Variants in COL25A1 observed in about 807,000 individuals in gnomAD.
COL25A1 encodes collagen type XXV alpha 1 chain.
Under a neutral mutation model 128.4 loss-of-function variants are expected in COL25A1, and 103 were observed. The observed-to-expected ratio is 0.80, with a 90% confidence interval of 0.68 to 0.94. COL25A1 has a LOEUF of 0.94. COL25A1 is among the 40% of genes least tolerant of loss of function. The probability of loss-of-function intolerance (pLI) is 0.00; values close to 1 mark genes in which losing one functional copy is unlikely to be tolerated. For synonymous variants in COL25A1, 279 were observed against 277.2 expected (o/e 1.01, Z -0.06); for missense variants, 745 against 840.0 (o/e 0.89, Z 1.40).
chr4:109,239,418 ATATATT>A (rs1445624108), intron 3 of COL25A1, among the ~76,000 whole-genome samples: 28 of 132,742 alleles, frequency 2.1e-4, no homozygotes, highest in African/African-American at 3.6e-4. Context: ...ATATATATAT[ATATATT>A]TATTTATTTA....
At chr4:109,049,146 T>C in intron 4 of COL25A1, among the ~76,000 whole-genome samples, 1 of 152,190 alleles carries the variant, frequency 6.6e-6, no homozygotes, top group Non-Finnish European at 1.5e-5. Context: ...AACCACACAT[T>C]AATCTGCTAT....
chr4:109,107,762 CAA>C (rs149340381), intron 3 of COL25A1, among the ~76,000 whole-genome samples: 1 of 152,080 alleles, frequency 6.6e-6, no homozygotes, highest in Non-Finnish European at 1.5e-5. Context: ...AGCCTTTACA[CAA>C]AAGAGGACCA....
chr4:109,074,150 C>T lies in COL25A1; in HGVS notation c.368-23971G>A, dbSNP rs528717201. The stretch of plus-strand genomic sequence containing the variant: ...ATGTGCAGTTCCACAGTAGGATTCC[C>T]GCTCCTATAAGAATCTAATGCCACC... On this transcript the variant is annotated intron_variant, in intron 3 of 37. Transcript: ENST00000399132. Among the ~76,000 whole-genome samples, 31 of 152,198 alleles carry T rather than the reference C, an allele frequency of 2.0e-4. No homozygotes were observed. The South Asian group carries it at 5.8e-3, about 29-fold the overall frequency.
intron 13 of COL25A1, among the ~76,000 whole-genome samples, chr4:108,917,177 A>G (rs1744974183): frequency 6.6e-6 from 1 of 152,210 alleles, no homozygotes; most frequent in African/African-American, 2.4e-5. Context: ...TGGAAGACTC[A>G]TGCTCTTAGC....
intron 13 of COL25A1, among the ~76,000 whole-genome samples, chr4:108,904,204 C>A (rs530714306): frequency 6.6e-6 from 1 of 152,074 alleles, no homozygotes; most frequent in Non-Finnish European, 1.5e-5. Flanking sequence ...ATTTACTATA[C>A]GTTCTACTCT....
chr4:109,258,960 C>G (rs1161702887), intron 3 of COL25A1, among the ~76,000 whole-genome samples: 1 of 152,192 alleles, frequency 6.6e-6, no homozygotes, highest in Non-Finnish European at 1.5e-5. Flanking sequence ...CTTACACTTT[C>G]ATTTTATGTG....
At chr4:109,234,551 T>C (rs576608933) in intron 3 of COL25A1, among the ~76,000 whole-genome samples, 2 of 152,240 alleles carry the variant, frequency 1.3e-5, no homozygotes, top group African/African-American at 2.4e-5. Flanking sequence ...TCAGGAAACA[T>C]GTCAAAGTTG....
chr4:108,889,213 G>A lies in COL25A1; in HGVS notation c.975+8C>T. The A allele has an allele frequency of 1.9e-6, 3 of 1,612,230 alleles. No individual in the cohort carries two copies. Among genetic ancestry groups the A allele is most frequent in the Non-Finnish European group, 2.5e-6 (3 of 1,178,342 alleles). ...ACAGTAGGAACACACTAGAGATAGA[G>A]ATATTACCTTTTGCCCTGGACGACC... On this transcript the variant is annotated splice_region_variant and intron_variant, in intron 18 of 37. Transcript: ENST00000399132.
At chr4:108,952,831 C>CTTTTTTTTTTTTT (rs59761040) in intron 8 of COL25A1, among the ~76,000 whole-genome samples, 15 of 66,982 alleles carry the variant, frequency 2.2e-4, no homozygotes, top group Admixed American at 4.3e-4. Context: ...AAAAACTCAA[C>CTTTTTTTTTTTTT]TTTTTTTTTT....
intron 2 of COL25A1, 109 bp downstream of exon 2, chr4:109,301,614 A>C: frequency 7.7e-7 from 1 of 1,298,334 alleles, no homozygotes; most frequent in Non-Finnish European, 1.1e-6. Context: ...GCGCGCACAC[A>C]CACAGCCACA....
Position 108,974,408 on chromosome 4 carries a change from G to A in COL25A1, c.466-15C>T. Reference sequence around the variant, plus strand: ...CCTTGTTCTCCCTGTAGAATAGAAAGGTGAGATAACAGTTTTAGCCAAAAT... The same window carrying A: ...CCTTGTTCTCCCTGTAGAATAGAAAAGTGAGATAACAGTTTTAGCCAAAAT... On this transcript the variant is annotated splice_polypyrimidine_tract_variant and intron_variant, in intron 7 of 37. Transcript: ENST00000399132. The A allele has an allele frequency of 9.9e-6, 16 of 1,613,722 alleles. No individual in the cohort carries two copies. The highest frequency in any genetic ancestry group is 1.4e-5 in the Non-Finnish European group (16 of 1,179,806).
intron 3 of COL25A1, among the ~76,000 whole-genome samples, chr4:109,183,157 C>A (rs1475427729): frequency 6.6e-6 from 1 of 151,938 alleles, no homozygotes; most frequent in Non-Finnish European, 1.5e-5. Flanking sequence ...AGCCTCCCAC[C>A]CCATCCATGT....
At chr4:108,928,361 A>G (rs1746318240) in intron 11 of COL25A1, among the ~76,000 whole-genome samples, 1 of 152,172 alleles carries the variant, frequency 6.6e-6, no homozygotes, top group Non-Finnish European at 1.5e-5. Flanking sequence ...ATGGATCTGC[A>G]CTGTCTATTA....
intron 3 of COL25A1, among the ~76,000 whole-genome samples, chr4:109,056,954 G>A (rs1455458111): frequency 1.3e-5 from 2 of 152,096 alleles, no homozygotes; most frequent in Non-Finnish European, 2.9e-5. Context: ...CAAACTTCTG[G>A]GCTCAAGCGA....
chr4:109,219,254 C>T (rs11943391), intron 3 of COL25A1, among the ~76,000 whole-genome samples: 24,255 of 151,966 alleles, frequency 0.16, 4,348 homozygotes, highest in African/African-American at 0.44. Flanking sequence ...GGTGATAAAA[C>T]TGAGGCTGTG....
chr4:109,164,007 G>A (rs1013068594), intron 3 of COL25A1, among the ~76,000 whole-genome samples: 5 of 152,028 alleles, frequency 3.3e-5, no homozygotes, highest in African/African-American at 9.7e-5. Context: ...CGAGTGGTAT[G>A]GCTCAGTTTT....
chr4:108,883,231 G>A (rs1020735041), intron 19 of COL25A1, among the ~76,000 whole-genome samples: 1 of 151,896 alleles, frequency 6.6e-6, no homozygotes, highest in Admixed American at 6.6e-5. Context: ...GTTTTACCAT[G>A]TTGGCCAGGC....
intron 5 of COL25A1, among the ~76,000 whole-genome samples, chr4:109,019,386 A>G (rs13132389): frequency 3.6e-5 from 5 of 139,068 alleles, no homozygotes; most frequent in African/African-American, 1.0e-4. Context: ...ATATATATAT[A>G]TATATATATA....
intron 5 of COL25A1, among the ~76,000 whole-genome samples, chr4:109,037,710 C>A (rs1759487038): frequency 6.6e-6 from 1 of 152,160 alleles, no homozygotes; most frequent in Non-Finnish European, 1.5e-5. Flanking sequence ...ACTTCTGAGC[C>A]ATGTGTGCCC....
Sources: allele counts gnomAD v4.1 joint callset (sites outside exome capture counted in the v4.1 genomes callset), GRCh38; gene constraint gnomAD v4.1.1; transcripts MANE v1.5; gene names NCBI Gene and HGNC (gene_info 2026-07-23, HGNC 2026-07-21).